Variants in KHDC4 observed in about 807,000 individuals in gnomAD.
The protein encoded by KHDC4 is KH homology domain-containing protein 4.
A neutral mutation model predicts 74.5 loss-of-function variants in KHDC4; 19 were observed. The ratio of observed to expected loss-of-function variants is 0.26; its 90% CI spans 0.18 to 0.37. The LOEUF (loss-of-function observed/expected upper bound fraction) is 0.37, where lower values mean the gene tolerates loss of function less well. KHDC4 is among the 10% of genes least tolerant of loss of function. The pLI, the probability that KHDC4 is intolerant of heterozygous loss-of-function variation, is 1.00. For missense variants in KHDC4, 632 were observed against 754.1 expected, an observed-to-expected ratio of 0.84 and a Z score of 1.90; for synonymous variants, 253 against 266.1, an observed-to-expected ratio of 0.95 and a Z score of 0.48.
chr1:155,918,919 G>A (rs1673790660), intron 10 of KHDC4, among the ~76,000 whole-genome samples: 1 of 149,476 alleles, frequency 6.7e-6, no homozygotes, highest in Admixed American at 6.7e-5. Context: ...ATATCACACA[G>A]CTCAAAAATG....
At chr1:155,917,884 C>G (rs1673767418) in intron 10 of KHDC4, among the ~76,000 whole-genome samples, 2 of 152,148 alleles carry the variant, frequency 1.3e-5, no homozygotes, top group Non-Finnish European at 2.9e-5. Flanking sequence ...AACCTATATA[C>G]AGTGCTTTGA....
At chr1:155,925,865 T>C (rs749167938) in intron 6 of KHDC4, 22 bp from the exon 7 acceptor site, 1 of 1,515,014 alleles carries the variant, frequency 6.6e-7, no homozygotes, top group Admixed American at 1.7e-5. Context: ...ACAGAATACT[T>C]CAGATTAAAC....
chr1:155,929,625 A>G, intron 3 of KHDC4, 87 bp downstream of exon 3: 1 of 1,454,356 alleles, frequency 6.9e-7, no homozygotes, highest in Non-Finnish European at 9.3e-7. Flanking sequence ...AAACCCACTA[A>G]TAAATATCTG....
intron 6 of KHDC4, chr1:155,926,324 AC>A: frequency 9.9e-6 from 2 of 202,016 alleles, no homozygotes; most frequent in Non-Finnish European, 9.3e-6. Flanking sequence ...ATTACTTGGC[AC>A]TTTTTTTTTT....
chr1:155,918,971 G>GTTTTTTTTTT (rs66693073), intron 10 of KHDC4, among the ~76,000 whole-genome samples: 1 of 107,444 alleles, frequency 9.3e-6, no homozygotes, highest in Non-Finnish European at 1.8e-5. Flanking sequence ...CTAACTCCCA[G>GTTTTTTTTTT]TTTTTTTTTT....
At chr1:155,916,990 T>A (rs894513938) in intron 11 of KHDC4, 4 of 316,292 alleles carry the variant, frequency 1.3e-5, no homozygotes, top group Non-Finnish European at 2.3e-5. Flanking sequence ...TGCCCATAGC[T>A]CCACTAGTTT....
Position 155,913,356 on chromosome 1 carries a change from G to C in KHDC4, c.*765C>G, listed in dbSNP as rs1365071457. 1 of 152,352 alleles carries C rather than the reference G, an allele frequency of 6.6e-6. No homozygotes were observed. The highest frequency in any genetic ancestry group is 2.4e-5 in the African/African-American group (1 of 41,436). The allele number at this position is 152,352 out of a possible 1,614,324, so 9.4% of individuals were successfully genotyped here. On this transcript the variant is annotated 3_prime_UTR_variant, in exon 14 of 14. Transcript: ENST00000368321. ...CTCTGTTTTAGCTGCAACCAGTTCT[G>C]GGAGAGAGAGACCACTGTATTTCAT...
Position 155,914,081 on chromosome 1 carries a change from A to G in KHDC4, c.*40T>C. On this transcript the variant is annotated 3_prime_UTR_variant, in exon 14 of 14. Transcript: ENST00000368321. ...AAATCAAATGCATGCATTATTGCTA[A>G]GAAGAGTCACTGAGGGTCAAAACTC... 6.6e-7 allele frequency: 1 copy of G among 1,521,510 alleles called. No homozygotes were observed. Among genetic ancestry groups the G allele is most frequent in the Non-Finnish European group, 9.1e-7 (1 of 1,095,736 alleles). 94.3% of individuals were successfully genotyped at this position (1,521,510 alleles called of 1,614,324 possible). A position where few individuals can be genotyped will look rare whatever the true frequency, so the allele number is the denominator to read the frequency against.
intron 10 of KHDC4, among the ~76,000 whole-genome samples, chr1:155,918,242 C>T (rs1293992918): frequency 6.6e-6 from 1 of 152,084 alleles, no homozygotes; most frequent in Non-Finnish European, 1.5e-5. Context: ...TTTGTTTTGT[C>T]TTGTTTTTGA....
rs757502338 is a variant in KHDC4, at chr1:155,916,756, A to G, written c.1441-19T>C. On this transcript the variant is annotated intron_variant, in intron 11 of 13. Transcript: ENST00000368321. Reference sequence around the variant, plus strand: ...GTCCATGCTATGAGCAGAAAAATACAGTGGCATTAGCAAATCTACAACTGC... The same window carrying G: ...GTCCATGCTATGAGCAGAAAAATACGGTGGCATTAGCAAATCTACAACTGC... 1 of 1,528,344 alleles carries G rather than the reference A, an allele frequency of 6.5e-7. No homozygotes were observed. The highest frequency in any genetic ancestry group is 1.7e-4 in the Middle Eastern group (1 of 5,912). The allele number at this position is 1,528,344 out of a possible 1,614,324, so 94.7% of individuals were successfully genotyped here.
At chr1:155,925,414 G>A (rs1029715326) in intron 7 of KHDC4, among the ~76,000 whole-genome samples, 3 of 151,988 alleles carry the variant, frequency 2.0e-5, no homozygotes, top group African/African-American at 7.3e-5. Context: ...GTGGTCCTAC[G>A]CCTTGGCCTC....
chr1:155,920,237 A>G (rs907153841), intron 10 of KHDC4, among the ~76,000 whole-genome samples: 1 of 117,052 alleles, frequency 8.5e-6, no homozygotes, highest in African/African-American at 2.8e-5. Flanking sequence ...CAGGAGATCG[A>G]GATCATCCTG....
At chr1:155,915,504 A>T in intron 13 of KHDC4, 1 of 211,568 alleles carries the variant, frequency 4.7e-6, no homozygotes, top group Admixed American at 5.8e-5. Context: ...TAATAGCTTT[A>T]TTTATGTATT....
intron 7 of KHDC4, among the ~76,000 whole-genome samples, 181 bp from the exon 8 acceptor site, chr1:155,923,868 T>C (rs997213948): frequency 6.6e-6 from 1 of 152,236 alleles, no homozygotes; most frequent in Non-Finnish European, 1.5e-5. Flanking sequence ...ATATAACCAC[T>C]ATCATTACCA....
intron 5 of KHDC4, 107 bp downstream of exon 5, chr1:155,926,997 G>T: frequency 1.5e-6 from 2 of 1,326,688 alleles, no homozygotes; most frequent in Admixed American, 1.7e-5. Flanking sequence ...TATAGTTCAT[G>T]AACAAGGGTT....
At chr1:155,933,970 T>C (rs1674198283) in intron 1 of KHDC4, 121 bp from the exon 2 acceptor site, 1 of 790,270 alleles carries the variant, frequency 1.3e-6, no homozygotes, top group Non-Finnish European at 1.9e-6. Flanking sequence ...CCGAATCACC[T>C]TCCAAATCTA....
chr1:155,924,527 A>C (rs1336440556), intron 7 of KHDC4, among the ~76,000 whole-genome samples: 1 of 150,178 alleles, frequency 6.7e-6, no homozygotes, highest in Non-Finnish European at 1.5e-5. Flanking sequence ...AAACCAAAGG[A>C]CTTGAATACT....
rs55769714 is a variant in KHDC4, at chr1:155,931,290, C to CAA, written c.256-1452_256-1451dup. Among the ~76,000 whole-genome samples the CAA allele has an allele frequency of 9.6e-3, 1,050 of 109,498 alleles. 16 individuals carry two copies. The highest frequency in any genetic ancestry group is 0.027 in the African/African-American group (742 of 27,384). 71.8% of individuals were successfully genotyped at this position (109,498 alleles called of 152,430 possible). Reference sequence around the variant, plus strand: ...GGGCAACAAAGCAAGACTCTATCACCAAAAAAAAAAAAAAAAAAGACAGAA... The same window carrying CAA: ...GGGCAACAAAGCAAGACTCTATCACCAAAAAAAAAAAAAAAAAAAAGACAGAA... On this transcript the variant is annotated intron_variant, in intron 2 of 13. Coordinates refer to ENST00000368321, the MANE Select transcript of KHDC4 (RefSeq NM_014949.4).
chr1:155,917,620 G>A lies in KHDC4; in HGVS notation c.1319C>T (p.Pro440Leu). 3.7e-6 allele frequency: 6 copies of A among 1,602,604 alleles called. No homozygotes were observed. Among genetic ancestry groups the A allele is most frequent in the Non-Finnish European group, 5.1e-6 (6 of 1,175,312 alleles). ...CTGGGGCTGGGGCTGGGGGCCAGCAGGCAAGGCAGTTTTGACAGGAGCAGC... is the reference window on the plus strand; with the variant it reads ...CTGGGGCTGGGGCTGGGGGCCAGCAAGCAAGGCAGTTTTGACAGGAGCAGC... ...IPAAPVKTAL[P>L]AGPQPQPQPQ... The change falls in exon 11 of 14, where the codon CCT (proline) becomes CTT (leucine). Residue 440 changes from proline (P) to leucine (L), a missense_variant. By Grantham distance (98) the Pro-to-Leu change is moderately conservative (BLOSUM62 -3). Transcript: ENST00000368321.
Sources: allele counts gnomAD v4.1 joint callset (sites outside exome capture counted in the v4.1 genomes callset), GRCh38; gene constraint gnomAD v4.1.1; transcripts MANE v1.5; gene names NCBI Gene and HGNC (gene_info 2026-07-23, HGNC 2026-07-21).